KIRREL3: variants seen among roughly 807,000 people sequenced by gnomAD.
KIRREL3 encodes the protein kirre like nephrin family adhesion molecule 3, also known as kin of IRRE-like protein 3.
In KIRREL3, 36 loss-of-function variants were observed where a neutral mutation model predicts 89.7. The ratio of observed to expected loss-of-function variants is 0.40; its 90% CI spans 0.31 to 0.53. The LOEUF (loss-of-function observed/expected upper bound fraction) is 0.53. Among genes scored for constraint, KIRREL3 ranks in the 20% least tolerant of loss-of-function variants. The pLI is 0.49. For missense variants in KIRREL3, 864 were observed against 1,056.6 expected, an observed-to-expected ratio of 0.82 and a Z score of 2.53; for synonymous variants, 445 against 441.4, an observed-to-expected ratio of 1.01 and a Z score of -0.10.
At chr11:126,460,215 G>C (rs1293376024) in intron 6 of KIRREL3, among the ~76,000 whole-genome samples, 1 of 152,158 alleles carries the variant, frequency 6.6e-6, no homozygotes. Context: ...GGGACAAATG[G>C]ATGAAGATCC....
chr11:126,673,385 A>G (rs995294219), intron 1 of KIRREL3, among the ~76,000 whole-genome samples: 8 of 152,158 alleles, frequency 5.3e-5, no homozygotes, highest in African/African-American at 1.9e-4. Context: ...AAATTTATGG[A>G]TAGACCTTTA....
At chr11:126,743,008 A>T (rs1946091) in intron 1 of KIRREL3, among the ~76,000 whole-genome samples, 1 of 152,078 alleles carries the variant, frequency 6.6e-6, no homozygotes, top group South Asian at 2.1e-4. Flanking sequence ...AGATGAGGCC[A>T]TCAGTGAGGA....
rs1013733322 is a variant in KIRREL3 at position 126,954,075 on chromosome 11, C to T, written c.55+46380G>A. On this transcript the variant is annotated intron_variant, in intron 1 of 16. Transcript: ENST00000525144. This position sits in a 1 kb window ranked among gnomAD's most constrained non-coding sequence, Gnocchi z 4.1. ...ATGTGTACATGCGGGGTCTAATTCT[C>T]CCCAGGGTCGGTCTGTGAGCGCCTC... 6.6e-6 allele frequency among the ~76,000 whole-genome samples: 1 copy of T among 151,906 alleles called. No individual in the cohort carries two copies. The highest frequency in any genetic ancestry group is 1.5e-5 in the Non-Finnish European group (1 of 67,986).
chr11:126,897,650 A>C lies in KIRREL3; in HGVS notation c.55+102805T>G, dbSNP rs76128908. 1.5e-4 allele frequency among the ~76,000 whole-genome samples: 23 copies of C among 152,340 alleles called. No individual in the cohort carries two copies. In the East Asian group the frequency reaches 4.4e-3, roughly 29 times the overall value. On this transcript the variant is annotated intron_variant, in intron 1 of 16. Transcript: ENST00000525144. This position sits in a 1 kb window ranked among gnomAD's most constrained non-coding sequence, Gnocchi z 4.2. ...AATACCACATCAAAAATACATTTGC[A>C]GCAAAGCTTATTTTCTGAAGATAGA...
intron 1 of KIRREL3, among the ~76,000 whole-genome samples, chr11:126,829,870 G>C (rs1565333997): frequency 6.6e-6 from 1 of 152,188 alleles, no homozygotes; most frequent in African/African-American, 2.4e-5. Context: ...GAATGTAGAG[G>C]GAGGTTTTCA....
At position 126,615,763 on chromosome 11, in the gene KIRREL3, G is replaced by A. The variant is rs1943319284; in HGVS notation, c.56-52851C>T. ...GAGGTGTTGGCCCGGTCCAGAGGCAGAGCCTTACTACCTTTGGCTACATAG... is the reference window on the plus strand; with the variant it reads ...GAGGTGTTGGCCCGGTCCAGAGGCAAAGCCTTACTACCTTTGGCTACATAG... On this transcript the variant is annotated intron_variant, in intron 1 of 16. Coordinates refer to ENST00000525144, the MANE Select transcript of KIRREL3 (RefSeq NM_032531.4). The surrounding 1 kb of genome is among the most constrained non-coding windows in gnomAD (Gnocchi z 5.4). Among the ~76,000 whole-genome samples, 1 of 152,196 alleles carries A rather than the reference G, an allele frequency of 6.6e-6. No individual in the cohort carries two copies. The highest frequency in any genetic ancestry group is 1.5e-5 in the Non-Finnish European group (1 of 68,024).
chr11:126,673,810 G>A (rs1469214727), intron 1 of KIRREL3, among the ~76,000 whole-genome samples: 1 of 152,200 alleles, frequency 6.6e-6, no homozygotes, highest in African/African-American at 2.4e-5. Flanking sequence ...AATGAAAGAA[G>A]CTCTAAACAC....
intron 7 of KIRREL3, among the ~76,000 whole-genome samples, chr11:126,453,965 C>T (rs886207018): frequency 4.6e-5 from 7 of 152,174 alleles, no homozygotes; most frequent in South Asian, 4.1e-4. Context: ...GGAGGACCCA[C>T]AGGCCACCTG....
Position 126,463,724 on chromosome 11 carries a change from G to A in KIRREL3, c.592-417C>T. Among the ~76,000 whole-genome samples the A allele has an allele frequency of 6.6e-6, 1 of 152,326 alleles. No homozygotes were observed. Among genetic ancestry groups the A allele is most frequent in the East Asian group, 1.9e-4 (1 of 5,178 alleles). ...AACGAGATGGTTTGCAACCAGCAGG[G>A]ACTGTGGCCCCTGAGCGGGGACAGT... On this transcript the variant is annotated intron_variant, in intron 5 of 16. Transcript: ENST00000525144. The surrounding 1 kb of genome is among the most constrained non-coding windows in gnomAD (Gnocchi z 5.9).
intron 1 of KIRREL3, among the ~76,000 whole-genome samples, chr11:126,861,663 G>A (rs1944708298): frequency 6.6e-6 from 1 of 152,196 alleles, no homozygotes; most frequent in Non-Finnish European, 1.5e-5. Context: ...AATGATACAT[G>A]TAAAAGCCCT....
At chr11:126,503,716 G>A (rs1315840204) in intron 4 of KIRREL3, among the ~76,000 whole-genome samples, 3 of 152,082 alleles carry the variant, frequency 2.0e-5, no homozygotes, top group African/African-American at 7.2e-5. Context: ...TCATCAGGGT[G>A]GAACCCTCCT....
Position 126,924,044 on chromosome 11 carries a change from A to G in KIRREL3, c.55+76411T>C, listed in dbSNP as rs1027617886. 4.6e-5 allele frequency among the ~76,000 whole-genome samples: 7 copies of G among 152,178 alleles called. No homozygotes were observed. Among genetic ancestry groups the G allele is most frequent in the Non-Finnish European group, 1.0e-4 (7 of 68,032 alleles). Reference sequence around the variant, plus strand: ...CCCTTAGCCCCTATGACCAGTCACTAACTTTTAAAAATCTTACTTCTAAAT... The same window carrying G: ...CCCTTAGCCCCTATGACCAGTCACTGACTTTTAAAAATCTTACTTCTAAAT... On this transcript the variant is annotated intron_variant, in intron 1 of 16. Coordinates refer to ENST00000525144, the MANE Select transcript of KIRREL3 (RefSeq NM_032531.4). The surrounding 1 kb of genome is among the most constrained non-coding windows in gnomAD (Gnocchi z 4.7).
rs1040280410 is a variant in KIRREL3, at chr11:126,551,165, G to A, written c.133+11670C>T. Among the ~76,000 whole-genome samples the A allele has an allele frequency of 5.3e-5, 8 of 152,244 alleles. No individual in the cohort carries two copies. The East Asian group carries it at 5.8e-4, about 11-fold the overall frequency. ...GAGCTTCCACGCCCTCCCTGAGTGCGCCACCCTCCAGGAAGCTTTACATGC... is the reference window on the plus strand; with the variant it reads ...GAGCTTCCACGCCCTCCCTGAGTGCACCACCCTCCAGGAAGCTTTACATGC... On this transcript the variant is annotated intron_variant, in intron 2 of 16. Coordinates refer to ENST00000525144, the MANE Select transcript of KIRREL3 (RefSeq NM_032531.4). The surrounding 1 kb of genome is among the most constrained non-coding windows in gnomAD (Gnocchi z 4.9).
rs556662609 is a variant in KIRREL3 at position 126,788,095 on chromosome 11, T to A, written c.55+212360A>T. 6.6e-6 allele frequency among the ~76,000 whole-genome samples: 1 copy of A among 152,192 alleles called. No homozygotes were observed. Among genetic ancestry groups the A allele is most frequent in the Non-Finnish European group, 1.5e-5 (1 of 68,024 alleles). ...AGCCCGGCTCTGGAGCCCATACTCT[T>A]AGCCACGACAATATTCCGCCTCCCA... On this transcript the variant is annotated intron_variant, in intron 1 of 16. Coordinates refer to ENST00000525144, the MANE Select transcript of KIRREL3 (RefSeq NM_032531.4). The surrounding 1 kb of genome is among the most constrained non-coding windows in gnomAD (Gnocchi z 4.1).
Position 126,793,832 on chromosome 11 carries a change from G to T in KIRREL3, c.55+206623C>A, listed in dbSNP as rs182434424. Among the ~76,000 whole-genome samples the T allele has an allele frequency of 3.9e-5, 6 of 152,312 alleles. No homozygotes were observed. The East Asian group carries it at 1.2e-3, about 29-fold the overall frequency. On this transcript the variant is annotated intron_variant, in intron 1 of 16. Transcript: ENST00000525144. ...GTGAAGAACTCGCGTTCCTCTGCAT[G>T]ACTGAGCTCCACTGTGAATAAATTT...
intron 1 of KIRREL3, among the ~76,000 whole-genome samples, chr11:126,988,823 G>A (rs191535401): frequency 6.0e-4 from 92 of 152,302 alleles, no homozygotes; most frequent in Admixed American, 2.4e-3. Context: ...CCATCTCCCC[G>A]TGGCTGGTCC....
rs771702192 is a variant in KIRREL3, at chr11:126,527,484, G to A, written c.134-797C>T. The stretch of plus-strand genomic sequence containing the variant: ...TCTGTTTTGAGGCTTTAAAATATTA[G>A]TTCATTAATATTTTCATCGTCATAA... On this transcript the variant is annotated intron_variant, in intron 2 of 16. Coordinates refer to ENST00000525144, the MANE Select transcript of KIRREL3 (RefSeq NM_032531.4). The surrounding 1 kb of genome is among the most constrained non-coding windows in gnomAD (Gnocchi z 4.2). 3.9e-5 allele frequency among the ~76,000 whole-genome samples: 6 copies of A among 152,082 alleles called. No homozygotes were observed. The highest frequency in any genetic ancestry group is 5.9e-5 in the Non-Finnish European group (4 of 68,016).
At chr11:126,839,974 A>G (rs1026632955) in intron 1 of KIRREL3, among the ~76,000 whole-genome samples, 2 of 152,196 alleles carry the variant, frequency 1.3e-5, no homozygotes, top group Non-Finnish European at 2.9e-5. Flanking sequence ...GATTGCAGGA[A>G]GGAAAGTGTA....
rs1336194563 is a variant in KIRREL3 at position 126,696,667 on chromosome 11, C to T, written c.56-133755G>A. 3.3e-5 allele frequency among the ~76,000 whole-genome samples: 5 copies of T among 152,198 alleles called. No individual in the cohort carries two copies. The highest frequency in any genetic ancestry group is 9.6e-5 in the African/African-American group (4 of 41,452). On this transcript the variant is annotated intron_variant, in intron 1 of 16. Transcript: ENST00000525144. The surrounding 1 kb of genome is among the most constrained non-coding windows in gnomAD (Gnocchi z 4.4). ...ACCGAAAGGGTGGCTCAAACCACAT[C>T]GCATGGCTCATAAGGCCCTTGGCGA...
Sources: allele counts gnomAD v4.1 joint callset (sites outside exome capture counted in the v4.1 genomes callset), GRCh38; gene constraint gnomAD v4.1.1; non-coding constraint Gnocchi (gnomAD v3.1); transcripts MANE v1.5; gene names NCBI Gene and HGNC (gene_info 2026-07-23, HGNC 2026-07-21).